The following CNTNAP2 variants were observed in gnomAD, a reference collection of about 807,000 sequenced individuals.
CNTNAP2 encodes the protein contactin associated protein 2.
CNTNAP2 carries 98 observed loss-of-function variants against 155.2 expected under a neutral mutation model. The ratio of observed to expected loss-of-function variants is 0.63; its 90% CI spans 0.54 to 0.75. CNTNAP2 has a LOEUF of 0.75. CNTNAP2 is among the 30% of genes least tolerant of loss of function. CNTNAP2 has a pLI of 0.00. For missense variants in CNTNAP2, 1,727 were observed against 1,688.1 expected, an observed-to-expected ratio of 1.02 and a Z score of -0.40; for synonymous variants, 651 against 631.2, an observed-to-expected ratio of 1.03 and a Z score of -0.47.
intron 8 of CNTNAP2, among the ~76,000 whole-genome samples, chr7:147,216,156 C>A (rs1260801580): frequency 6.7e-6 from 1 of 150,280 alleles, no homozygotes; most frequent in Non-Finnish European, 1.5e-5. Flanking sequence ...TCTTTATAGT[C>A]TTTTGGCAAA....
chr7:147,273,583 T>C (rs906347714), intron 8 of CNTNAP2, among the ~76,000 whole-genome samples: 1 of 151,970 alleles, frequency 6.6e-6, no homozygotes, highest in Non-Finnish European at 1.5e-5. Flanking sequence ...ATTGTTGAAC[T>C]CTCACTTATA....
At chr7:147,516,777 A>G (rs1264000397) in intron 11 of CNTNAP2, among the ~76,000 whole-genome samples, 1 of 151,556 alleles carries the variant, frequency 6.6e-6, no homozygotes, top group African/African-American at 2.4e-5. Flanking sequence ...TATGTCAATC[A>G]TATAGCTAGA....
chr7:146,958,418 T>TGTTTG (rs1563020795), intron 3 of CNTNAP2, among the ~76,000 whole-genome samples: 3,907 of 139,832 alleles, frequency 0.028, 209 homozygotes, highest in African/African-American at 0.098. Flanking sequence ...TTTTTTTTTT[T>TGTTTG]TTTTTTTTTT....
intron 3 of CNTNAP2, among the ~76,000 whole-genome samples, chr7:146,997,473 A>C (rs1798332862): frequency 6.6e-6 from 1 of 152,072 alleles, no homozygotes; most frequent in Admixed American, 6.6e-5. Context: ...TTGGTTTACT[A>C]GTATTTTGTT....
chr7:146,496,415 T>G (rs1453340183), intron 1 of CNTNAP2, among the ~76,000 whole-genome samples: 1 of 152,212 alleles, frequency 6.6e-6, no homozygotes, highest in Non-Finnish European at 1.5e-5. Flanking sequence ...ATAAATACAT[T>G]GAATTTAATC....
At chr7:146,777,367 G>A (rs1472231545) in intron 2 of CNTNAP2, among the ~76,000 whole-genome samples, 5 of 152,080 alleles carry the variant, frequency 3.3e-5, no homozygotes, top group Non-Finnish European at 2.9e-5. Context: ...TAATTTTTAC[G>A]GATGGTGAGG....
intron 14 of CNTNAP2, among the ~76,000 whole-genome samples, chr7:147,938,772 A>G (rs780047039): frequency 1.6e-4 from 25 of 152,168 alleles, no homozygotes; most frequent in Non-Finnish European, 3.4e-4. Flanking sequence ...ATTCACTTTC[A>G]CCAAACACTA....
At chr7:148,212,170 C>T (rs1585190940) in intron 18 of CNTNAP2, among the ~76,000 whole-genome samples, 1 of 150,480 alleles carries the variant, frequency 6.6e-6, no homozygotes. Flanking sequence ...CTGTAAGCCT[C>T]GGGGATTTGG....
At chr7:146,486,112 T>A (rs535400084) in intron 1 of CNTNAP2, among the ~76,000 whole-genome samples, 4 of 122,588 alleles carry the variant, frequency 3.3e-5, no homozygotes, top group Admixed American at 2.2e-4. Context: ...TCGCCCAGGC[T>A]GGAGTGCAGT....
intron 13 of CNTNAP2, among the ~76,000 whole-genome samples, chr7:147,853,079 A>G (rs533423350): frequency 9.9e-4 from 151 of 152,312 alleles, no homozygotes; most frequent in Non-Finnish European, 1.8e-3. Context: ...GATGGCAGTA[A>G]GGCTGTGCTA....
At chr7:146,362,170 A>G (rs1030547655) in intron 1 of CNTNAP2, among the ~76,000 whole-genome samples, 14 of 152,166 alleles carry the variant, frequency 9.2e-5, no homozygotes, top group African/African-American at 2.2e-4. Context: ...CTACTTTACT[A>G]TATGTTATTT....
intron 4 of CNTNAP2, among the ~76,000 whole-genome samples, chr7:147,078,629 T>C (rs1800040830): frequency 6.6e-6 from 1 of 152,134 alleles, no homozygotes; most frequent in Admixed American, 6.6e-5. Context: ...ATAGGTCCCC[T>C]GGCCACGATG....
At chr7:147,313,225 T>C (rs13310762) in intron 9 of CNTNAP2, among the ~76,000 whole-genome samples, 9,428 of 152,218 alleles carry the variant, frequency 0.062, 872 homozygotes, top group East Asian at 0.39. Context: ...CATCCCACTC[T>C]GCTGGTAGTT....
intron 1 of CNTNAP2, among the ~76,000 whole-genome samples, chr7:146,386,355 A>C (rs1795461818): frequency 6.6e-6 from 1 of 152,056 alleles, no homozygotes; most frequent in Non-Finnish European, 1.5e-5. Flanking sequence ...GAATACTGTA[A>C]CTTCACATTA....
chr7:146,944,630 G>C (rs1031888291), intron 3 of CNTNAP2, among the ~76,000 whole-genome samples: 3 of 152,124 alleles, frequency 2.0e-5, no homozygotes, highest in African/African-American at 7.2e-5. Flanking sequence ...TGTAATGCCA[G>C]CACTTTGGGA....
Position 146,724,561 on chromosome 7 carries a change from C to CTTTT in CNTNAP2, c.98-49685_98-49682dup, listed in dbSNP as rs1000613503. 5.8e-4 allele frequency among the ~76,000 whole-genome samples: 38 copies of CTTTT among 65,618 alleles called. 7 individuals carry two copies. The highest frequency in any genetic ancestry group is 1.8e-3 in the African/African-American group (26 of 14,474). The allele number at this position is 65,618 out of a possible 152,430, so 43.0% of individuals were successfully genotyped here. A position where few individuals can be genotyped will look rare whatever the true frequency, so the allele number is the denominator to read the frequency against. Reference sequence around the variant, plus strand: ...TTAGAAGCATGCTGTTAAATCTAAACTTTTTTTTTTTTTTTTTTTTTTTTT... The same window carrying CTTTT: ...TTAGAAGCATGCTGTTAAATCTAAACTTTTTTTTTTTTTTTTTTTTTTTTTTTTT... On this transcript the variant is annotated intron_variant, in intron 1 of 23. Coordinates refer to ENST00000361727, the MANE Select transcript of CNTNAP2 (RefSeq NM_014141.6).
intron 1 of CNTNAP2, among the ~76,000 whole-genome samples, chr7:146,721,686 T>C (rs1801324332): frequency 8.9e-6 from 1 of 112,754 alleles, no homozygotes; most frequent in Non-Finnish European, 1.6e-5. Context: ...CTATATACAT[T>C]CTATATATAT....
intron 1 of CNTNAP2, among the ~76,000 whole-genome samples, chr7:146,585,751 G>GAAAGAAA (rs1491504474): frequency 0.012 from 1,808 of 146,096 alleles, 21 homozygotes; most frequent in East Asian, 0.027. Flanking sequence ...AAAGAAAGAA[G>GAAAGAAA]GAAAGAAAGA....
At chr7:147,603,768 A>G (rs1468344267) in intron 12 of CNTNAP2, among the ~76,000 whole-genome samples, 1 of 152,208 alleles carries the variant, frequency 6.6e-6, no homozygotes, top group Non-Finnish European at 1.5e-5. Flanking sequence ...CACCAAGTCA[A>G]TCCTAAGCCA....
Sources: gnomAD v4.1 joint callset for allele counts (sites outside exome capture counted in the v4.1 genomes callset) on GRCh38, gnomAD v4.1.1 for gene constraint, MANE v1.5 for transcripts, NCBI Gene and HGNC (gene_info 2026-07-23, HGNC 2026-07-21) for gene names.